The following FAM24B variants were observed in gnomAD, a reference collection of about 807,000 sequenced individuals.
FAM24B encodes the protein protein FAM24B.
In FAM24B, 3 loss-of-function variants were observed where a neutral mutation model predicts 2.3. The ratio of observed to expected loss-of-function variants is 1.29; its 90% CI spans 0.59 to 3.32. FAM24B has a LOEUF of 3.32. Ranked by LOEUF, FAM24B falls within the 30% of genes most tolerant of loss-of-function variation. FAM24B has a pLI of 0.03. For missense variants in FAM24B, 98 were observed against 117.2 expected, an observed-to-expected ratio of 0.84 and a Z score of 0.76; for synonymous variants, 36 against 46.3, an observed-to-expected ratio of 0.78 and a Z score of 0.90.
At chr10:122,854,393 C>T (rs1292168347) in intron 2 of FAM24B, among the ~76,000 whole-genome samples, 1 of 152,104 alleles carries the variant, frequency 6.6e-6, no homozygotes, top group Non-Finnish European at 1.5e-5. Context: ...GAAACTAGGA[C>T]CTAGTTCTAT....
intron 1 of FAM24B, among the ~76,000 whole-genome samples, chr10:122,872,116 G>C (rs1370130823): frequency 6.6e-6 from 1 of 152,148 alleles, no homozygotes; most frequent in Non-Finnish European, 1.5e-5. Flanking sequence ...CTATCAAAAA[G>C]TGGGCGAAGG....
chr10:122,875,494 C>T (rs1847963085), intron 1 of FAM24B, among the ~76,000 whole-genome samples: 1 of 152,152 alleles, frequency 6.6e-6, no homozygotes, highest in Non-Finnish European at 1.5e-5. Flanking sequence ...TTGTTGAAAG[C>T]CAGACATAAT....
At chr10:122,851,015 A>G (rs969727253) in intron 2 of FAM24B, among the ~76,000 whole-genome samples, 9 of 152,224 alleles carry the variant, frequency 5.9e-5, no homozygotes, top group African/African-American at 1.7e-4. Flanking sequence ...CTGTCCCAAC[A>G]ATACTGAGAA....
intron 1 of FAM24B, among the ~76,000 whole-genome samples, chr10:122,856,992 G>A (rs1847651142): frequency 6.6e-6 from 1 of 152,118 alleles, no homozygotes; most frequent in Non-Finnish European, 1.5e-5. Flanking sequence ...ACAGAATTTG[G>A]TTGTTTGTGA....
intron 1 of FAM24B, among the ~76,000 whole-genome samples, chr10:122,865,637 A>C (rs1847792050): frequency 6.6e-6 from 1 of 152,162 alleles, no homozygotes; most frequent in African/African-American, 2.4e-5. Flanking sequence ...TCATATAATG[A>C]ATTAGGAAGT....
chr10:122,853,143 G>A (rs1177086461), intron 2 of FAM24B, among the ~76,000 whole-genome samples: 1 of 152,002 alleles, frequency 6.6e-6, no homozygotes, highest in Non-Finnish European at 1.5e-5. Flanking sequence ...TAATGTCCAT[G>A]GATTTTAGTT....
intron 2 of FAM24B, among the ~76,000 whole-genome samples, chr10:122,851,965 T>C (rs1206577481): frequency 2.0e-5 from 3 of 151,764 alleles, no homozygotes; most frequent in Non-Finnish European, 4.4e-5. Flanking sequence ...AAATGAAAAA[T>C]TCACTAGAAG....
At chr10:122,863,723 C>T (rs750807761) in intron 1 of FAM24B, among the ~76,000 whole-genome samples, 6 of 152,222 alleles carry the variant, frequency 3.9e-5, no homozygotes, top group South Asian at 2.1e-4. Context: ...CATCCATAGG[C>T]GTAGCCTCAG....
At chr10:122,873,602 A>G (rs1847933374) in intron 1 of FAM24B, among the ~76,000 whole-genome samples, 1 of 152,240 alleles carries the variant, frequency 6.6e-6, no homozygotes, top group African/African-American at 2.4e-5. Context: ...GTCTTATTGT[A>G]TAAGAAATAC....
chr10:122,868,280 A>C (rs1195739212), intron 1 of FAM24B, among the ~76,000 whole-genome samples: 1 of 152,230 alleles, frequency 6.6e-6, no homozygotes, highest in African/African-American at 2.4e-5. Context: ...ATATGGGACT[A>C]TGTGAAAAGA....
intron 2 of FAM24B, among the ~76,000 whole-genome samples, chr10:122,851,864 GAAT>G (rs113424107): frequency 2.0e-5 from 3 of 152,060 alleles, no homozygotes; most frequent in African/African-American, 7.2e-5. Flanking sequence ...GAAAATATGA[GAAT>G]AATGTCTCAT....
At chr10:122,868,800 G>C (rs1171845764) in intron 1 of FAM24B, among the ~76,000 whole-genome samples, 1 of 152,096 alleles carries the variant, frequency 6.6e-6, no homozygotes, top group East Asian at 1.9e-4. Flanking sequence ...ACATGGAAAG[G>C]AACAACTGGT....
rs1303124666 is a variant in FAM24B at position 122,877,317 on chromosome 10, G to C, written c.-178+2168C>G. Among the ~76,000 whole-genome samples the C allele has an allele frequency of 1.1e-4, 17 of 152,148 alleles. No individual in the cohort carries two copies. In the East Asian group the frequency reaches 3.3e-3, roughly 29 times the overall value. ...CCACAATTCTCATCCAAAGCTTATA[G>C]GTTAGGGATTTTTCAGAGGCAGTTT... On this transcript the variant is annotated intron_variant, in intron 1 of 3. Transcript: ENST00000368898.
chr10:122,858,807 G>A (rs1847682040), intron 1 of FAM24B, among the ~76,000 whole-genome samples: 1 of 152,136 alleles, frequency 6.6e-6, no homozygotes, highest in South Asian at 2.1e-4. Flanking sequence ...CCTTGGGCTG[G>A]TGCTCCCCAG....
At chr10:122,879,183 C>T in intron 1 of FAM24B, among the ~76,000 whole-genome samples, 1 of 152,192 alleles carries the variant, frequency 6.6e-6, no homozygotes. Context: ...CTGGCAACGC[C>T]GTAGGATCAG....
At chr10:122,862,052 G>A (rs1847732100) in intron 1 of FAM24B, among the ~76,000 whole-genome samples, 1 of 152,084 alleles carries the variant, frequency 6.6e-6, no homozygotes, top group African/African-American at 2.4e-5. Flanking sequence ...GTGCAGACAT[G>A]CCCAGTTGCT....
At chr10:122,852,142 CACA>C (rs1487522227) in intron 2 of FAM24B, among the ~76,000 whole-genome samples, 1 of 152,184 alleles carries the variant, frequency 6.6e-6, no homozygotes, top group Admixed American at 6.5e-5. Flanking sequence ...TTCCCATCCT[CACA>C]ACAAGTAAAA....
At chr10:122,862,819 G>T (rs553930525) in intron 1 of FAM24B, among the ~76,000 whole-genome samples, 1 of 152,040 alleles carries the variant, frequency 6.6e-6, no homozygotes, top group Non-Finnish European at 1.5e-5. Flanking sequence ...TTCTCTCCAG[G>T]TGTCCAAATG....
In FAM24B at chr10:122,850,426, T is replaced by A. The variant is rs1357287721; in HGVS notation, c.90A>T (p.Leu30=). ...LCLYFKIHNA[L]KAAKEPEAVA... Reference sequence around the variant, plus strand: ...TTTATTTTGAACTTGTGACTCACTTTAGCGCGTTGTGTATTTTGAAGTAAA... The same window carrying A: ...TTTATTTTGAACTTGTGACTCACTTAAGCGCGTTGTGTATTTTGAAGTAAA... Residue 30 remains leucine (L), a splice_region_variant and synonymous_variant, in exon 3 of 4, where the codon CTA becomes CTT. Coordinates refer to ENST00000368898, the MANE Select transcript of FAM24B (RefSeq NM_152644.3). 6.2e-7 allele frequency: 1 copy of A among 1,613,478 alleles called. No individual in the cohort carries two copies. The highest frequency in any genetic ancestry group is 2.2e-5 in the East Asian group (1 of 44,876).
Sources: gnomAD v4.1 joint callset for allele counts (sites outside exome capture counted in the v4.1 genomes callset) on GRCh38, gnomAD v4.1.1 for gene constraint, MANE v1.5 for transcripts, NCBI Gene and HGNC (gene_info 2026-07-23, HGNC 2026-07-21) for gene names.